ACCS: variants seen among roughly 807,000 people sequenced by gnomAD.
ACCS encodes 1-aminocyclopropane-1-carboxylate synthase homolog (inactive).
A neutral mutation model predicts 59.8 loss-of-function variants in ACCS; 42 were observed. The observed-to-expected ratio is 0.70, with a 90% CI of 0.55 to 0.91. The LOEUF is 0.91. Among genes scored for constraint, ACCS ranks in the 40% least tolerant of loss-of-function variants. The pLI, the probability that ACCS is intolerant of heterozygous loss-of-function variation, is 0.00. For missense variants in ACCS, 602 were observed against 630.4 expected (o/e 0.95, Z 0.48); for synonymous variants, 230 against 240.3 (o/e 0.96, Z 0.40).
Position 44,067,520 on chromosome 11 carries a change from A to T in ACCS, c.1-108A>T, listed in dbSNP as rs78588225. 971 of 1,189,286 alleles carry T rather than the reference A, an allele frequency of 8.2e-4. 8 individuals are homozygous for T. In the African/African-American group the frequency reaches 0.013, roughly 16 times the overall value. 73.7% of individuals were successfully genotyped at this position (1,189,286 alleles called of 1,614,324 possible). On this transcript the variant is annotated intron_variant, in intron 1 of 14. Coordinates refer to ENST00000263776, the MANE Select transcript of ACCS (RefSeq NM_032592.4). ...GGAAGTGATGAGTGCATAAACCTAA[A>T]GGAAGGGGCAGATAAGAGAAAGGGG...
At chr11:44,074,127 C>A (rs1465102839) in intron 4 of ACCS, among the ~76,000 whole-genome samples, 1 of 152,100 alleles carries the variant, frequency 6.6e-6, no homozygotes, top group Admixed American at 6.6e-5. Context: ...TTGCCTCTTA[C>A]CAGCAAGTGA....
At chr11:44,067,995 T>C in intron 2 of ACCS, 80 bp downstream of exon 2, 1 of 1,441,998 alleles carries the variant, frequency 6.9e-7, no homozygotes, top group South Asian at 1.4e-5. Context: ...TAAGGCAGCA[T>C]CCAGCCTGCT....
intron 1 of ACCS, 98 bp from the exon 2 acceptor site, chr11:44,067,530 A>G (rs1483127305): frequency 3.2e-6 from 4 of 1,257,038 alleles, no homozygotes; most frequent in Non-Finnish European, 4.4e-6. Context: ...AGGAAGGGGC[A>G]GATAAGAGAA....
At chr11:44,070,105 G>A (rs536807191) in intron 2 of ACCS, among the ~76,000 whole-genome samples, 10 of 152,192 alleles carry the variant, frequency 6.6e-5, no homozygotes, top group Non-Finnish European at 1.2e-4. Context: ...TCAGAAAGAG[G>A]ATGGGGTGGT....
In ACCS at chr11:44,073,435, C is replaced by T; in HGVS notation, c.349-12C>T. Reference sequence around the variant, plus strand: ...CTGGCCCTCAGCCGTGCTCTTCCCTCTCTGTCCCCAGCTGAGTCAGCGCGA... The same window carrying T: ...CTGGCCCTCAGCCGTGCTCTTCCCTTTCTGTCCCCAGCTGAGTCAGCGCGA... On this transcript the variant is annotated splice_polypyrimidine_tract_variant and intron_variant, in intron 3 of 14. Coordinates refer to ENST00000263776, the MANE Select transcript of ACCS (RefSeq NM_032592.4). 1 of 1,604,858 alleles carries T rather than the reference C, an allele frequency of 6.2e-7. No individual in the cohort carries two copies. The highest frequency in any genetic ancestry group is 1.1e-5 in the South Asian group (1 of 88,990).
intron 2 of ACCS, among the ~76,000 whole-genome samples, chr11:44,069,092 G>A (rs79765249): frequency 0.043 from 6,579 of 152,160 alleles, 481 homozygotes; most frequent in African/African-American, 0.15. Context: ...AAAAAGTGAG[G>A]GATTGTGTTA....
At chr11:44,074,818 TTTTTTTTTA>T (rs1565175762) in intron 5 of ACCS, 137 bp downstream of exon 5, 1 of 306,500 alleles carries the variant, frequency 3.3e-6, no homozygotes, top group Non-Finnish European at 5.1e-6. Flanking sequence ...TTCTCTTTTT[TTTTTTTTTA>T]TTTTTTTTAT....
At chr11:44,071,524 G>A in intron 3 of ACCS, 1 of 552,392 alleles carries the variant, frequency 1.8e-6, no homozygotes, top group Admixed American at 3.1e-5. Context: ...CATCTCTGTA[G>A]ACTCTTATTT....
chr11:44,077,571 G>A lies in ACCS; in HGVS notation c.654+195G>A, dbSNP rs1467641030. The A allele has an allele frequency of 9.0e-5, 130 of 1,440,064 alleles. 1 individual carries two copies. The highest frequency in any genetic ancestry group is 1.1e-4 in the Non-Finnish European group (122 of 1,103,204). 89.2% of individuals were successfully genotyped at this position (1,440,064 alleles called of 1,614,324 possible). ...AAGTTCCAGTCTCTGAGATCCCTGG[G>A]GTTGATGTAGAAGCCAAGAGCCAGA... On this transcript the variant is annotated intron_variant, in intron 7 of 14. Transcript: ENST00000263776.
At chr11:44,071,536 A>C in intron 3 of ACCS, 1 of 507,808 alleles carries the variant, frequency 2.0e-6, no homozygotes, top group Middle Eastern at 5.2e-4. Flanking sequence ...CTCTTATTTC[A>C]CTCAGTCCCT....
intron 7 of ACCS, 67 bp downstream of exon 7, chr11:44,077,443 T>C: frequency 1.2e-6 from 2 of 1,604,412 alleles, no homozygotes; most frequent in Admixed American, 3.4e-5. Context: ...TGGGTCTGAA[T>C]TTGAGGGTGG....
At position 44,081,030 on chromosome 11, in the gene ACCS, C is replaced by G. The variant is rs1953613640; in HGVS notation, c.934C>G (p.Pro312Ala). Reference sequence around the variant, plus strand: ...CTGTGCTCTCTGCAGGCTCCCTGACCCCCAGAGGACCCATGTGATGTGGGC... The same window carrying G: ...CTGTGCTCTCTGCAGGCTCCCTGACGCCCAGAGGACCCATGTGATGTGGGC... ...SVLSLERLPD[P>A]QRTHVMWATS... is the part of the protein sequence containing the mutation. The change falls in exon 11 of 15, where the codon CCC (proline) becomes GCC (alanine). Residue 312 changes from proline (P) to alanine (A), a missense_variant. Physicochemically the swap from Pro to Ala is conservative, Grantham distance 27. Transcript: ENST00000263776. 1 of 1,614,028 alleles carries G rather than the reference C, an allele frequency of 6.2e-7. No homozygotes were observed. The highest frequency in any genetic ancestry group is 8.5e-7 in the Non-Finnish European group (1 of 1,180,038).
intron 3 of ACCS, chr11:44,072,492 C>T (rs1953108625): frequency 6.6e-6 from 1 of 152,026 alleles, no homozygotes; most frequent in South Asian, 2.1e-4. Flanking sequence ...TACCTAAAGC[C>T]AGCTCCTCCT....
chr11:44,083,721 G>T lies in ACCS; in HGVS notation c.1435G>T (p.Ala479Ser). 6.2e-7 allele frequency: 1 copy of T among 1,614,142 alleles called. No homozygotes were observed. Among genetic ancestry groups the T allele is most frequent in the Non-Finnish European group, 8.5e-7 (1 of 1,179,990 alleles). ...LGMQRVQQVL[A>S]GKSQVAEDPR... ...GATGCAGAGGGTCCAGCAGGTGCTT[G>T]CAGGCAAATCCCAAGTGGCAGAAGA... Residue 479 changes from alanine to serine, a missense_variant, in exon 15 of 15, where the codon GCA becomes TCA. Ala to Ser is a moderately conservative substitution (Grantham distance 99). Transcript: ENST00000263776.
In ACCS at chr11:44,083,687, C is replaced by T. The variant is rs1160822565; in HGVS notation, c.1409-8C>T. 2 of 1,614,206 alleles carry T rather than the reference C, an allele frequency of 1.2e-6. No homozygotes were observed. The highest frequency in any genetic ancestry group is 1.7e-6 in the Non-Finnish European group (2 of 1,180,038). On this transcript the variant is annotated splice_region_variant and splice_polypyrimidine_tract_variant and intron_variant, in intron 14 of 14. Transcript: ENST00000263776. Reference sequence around the variant, plus strand: ...AGTGCCAACTGGCCCCTCACTTCCCCTTCCCAGGGATGCAGAGGGTCCAGC... The same window carrying T: ...AGTGCCAACTGGCCCCTCACTTCCCTTTCCCAGGGATGCAGAGGGTCCAGC...
In ACCS at chr11:44,081,016, G is replaced by T; in HGVS notation, c.924-4G>T. Reference sequence around the variant, plus strand: ...CCTCTGTTCCCATGCTGTGCTCTCTGCAGGCTCCCTGACCCCCAGAGGACC... The same window carrying T: ...CCTCTGTTCCCATGCTGTGCTCTCTTCAGGCTCCCTGACCCCCAGAGGACC... On this transcript the variant is annotated splice_region_variant and splice_polypyrimidine_tract_variant and intron_variant, in intron 10 of 14. Transcript: ENST00000263776. 6.2e-7 allele frequency: 1 copy of T among 1,614,172 alleles called. No individual in the cohort carries two copies. The highest frequency in any genetic ancestry group is 1.7e-5 in the Admixed American group (1 of 60,018).
chr11:44,077,646 C>G, intron 7 of ACCS, 199 bp from the exon 8 acceptor site: 2 of 1,438,550 alleles, frequency 1.4e-6, no homozygotes, highest in Non-Finnish European at 1.8e-6. Context: ...AAGCATGACA[C>G]CCAAGAGTGA....
At chr11:44,082,431 A>G (rs1230907328) in intron 12 of ACCS, among the ~76,000 whole-genome samples, 5 of 152,232 alleles carry the variant, frequency 3.3e-5, no homozygotes, top group Non-Finnish European at 5.9e-5. Flanking sequence ...CATCCACTCA[A>G]TGGAACACTA....
chr11:44,072,594 C>G (rs1953113435), intron 3 of ACCS, among the ~76,000 whole-genome samples: 1 of 152,018 alleles, frequency 6.6e-6, no homozygotes, highest in Non-Finnish European at 1.5e-5. Flanking sequence ...CAGGTAAAAA[C>G]TAATTTTAAT....
Sources: gnomAD v4.1 joint callset for allele counts (sites outside exome capture counted in the v4.1 genomes callset) on GRCh38, gnomAD v4.1.1 for gene constraint, MANE v1.5 for transcripts, NCBI Gene and HGNC (gene_info 2026-07-23, HGNC 2026-07-21) for gene names.